CTNNA2: variants seen among roughly 807,000 people sequenced by gnomAD.
CTNNA2 encodes catenin alpha 2.
CTNNA2 carries 42 observed loss-of-function variants against 101.0 expected under a neutral mutation model. The observed-to-expected ratio is 0.42, with a 90% CI of 0.32 to 0.54. The LOEUF is 0.54. CTNNA2 is among the 20% of genes least tolerant of loss of function. The pLI, the probability that CTNNA2 is intolerant of heterozygous loss-of-function variation, is 0.14. For missense variants in CTNNA2, 871 were observed against 1,223.1 expected, an observed-to-expected ratio of 0.71 and a Z score of 4.29; for synonymous variants, 450 against 456.4, an observed-to-expected ratio of 0.99 and a Z score of 0.18.
intron 1 of CTNNA2, among the ~76,000 whole-genome samples, chr2:79,618,834 C>T (rs6722017): frequency 0.022 from 3,278 of 152,234 alleles, 127 homozygotes; most frequent in African/African-American, 0.075. Context: ...TAGAAGTTTC[C>T]AGTTGCCTCA....
intron 12 of CTNNA2, among the ~76,000 whole-genome samples, chr2:80,569,346 A>G (rs561318692): frequency 1.3e-5 from 2 of 152,336 alleles, no homozygotes; most frequent in East Asian, 3.9e-4. Context: ...CTAGAATTCA[A>G]AAGTTTATCT....
At chr2:79,739,561 A>T (rs1671135001) in intron 2 of CTNNA2, among the ~76,000 whole-genome samples, 1 of 152,204 alleles carries the variant, frequency 6.6e-6, no homozygotes, top group African/African-American at 2.4e-5. Context: ...TGCCTTTTTT[A>T]AAATACAGAT....
intron 2 of CTNNA2, among the ~76,000 whole-genome samples, chr2:79,253,219 G>C (rs1674795945): frequency 6.6e-6 from 1 of 152,156 alleles, no homozygotes; most frequent in African/African-American, 2.4e-5. Flanking sequence ...AGGGAGATGG[G>C]ATGCTTCTGC....
At chr2:80,597,787 C>A (rs1163969388) in intron 15 of CTNNA2, among the ~76,000 whole-genome samples, 2 of 152,082 alleles carry the variant, frequency 1.3e-5, no homozygotes, top group South Asian at 4.1e-4. Flanking sequence ...TCATGCCAGT[C>A]AGAATGGCGA....
chr2:80,484,831 CT>C (rs750028131), intron 9 of CTNNA2, among the ~76,000 whole-genome samples: 3 of 152,014 alleles, frequency 2.0e-5, no homozygotes, highest in Non-Finnish European at 2.9e-5. Flanking sequence ...ACGGTGAAAC[CT>C]TGTCTCTACT....
chr2:80,149,774 T>TCTCTCACA (rs377159450), intron 7 of CTNNA2, among the ~76,000 whole-genome samples: 1 of 143,298 alleles, frequency 7.0e-6, no homozygotes, highest in African/African-American at 2.6e-5. Context: ...TTAGAATGGA[T>TCTCTCACA]CACACACACA....
At chr2:79,644,570 C>G (rs1371975753) in intron 1 of CTNNA2, among the ~76,000 whole-genome samples, 1 of 152,152 alleles carries the variant, frequency 6.6e-6, no homozygotes, top group Non-Finnish European at 1.5e-5. Context: ...TTGACTTTGC[C>G]AGGCCCCTGT....
intron 3 of CTNNA2, among the ~76,000 whole-genome samples, chr2:79,809,326 A>G (rs1676824950): frequency 6.6e-6 from 1 of 152,198 alleles, no homozygotes; most frequent in Non-Finnish European, 1.5e-5. Context: ...TGCGGGGTCA[A>G]ATGATATTTC....
intron 9 of CTNNA2, among the ~76,000 whole-genome samples, chr2:80,537,538 C>G (rs1297476470): frequency 1.3e-5 from 2 of 152,008 alleles, no homozygotes; most frequent in East Asian, 3.9e-4. Context: ...ACACTCCCAC[C>G]AACAGTGTAA....
At chr2:80,613,871 T>C (rs1378901648) in intron 17 of CTNNA2, among the ~76,000 whole-genome samples, 2 of 151,478 alleles carry the variant, frequency 1.3e-5, no homozygotes, top group Non-Finnish European at 3.0e-5. Context: ...CCTAAACTTG[T>C]GGGCTGACGA....
chr2:79,901,638 T>C (rs991810402), intron 6 of CTNNA2, among the ~76,000 whole-genome samples: 2 of 152,200 alleles, frequency 1.3e-5, no homozygotes, highest in Non-Finnish European at 2.9e-5. Context: ...AGTAGTTCAC[T>C]TAAAGGTTTA....
At chr2:79,260,758 A>T (rs1674911023) in intron 2 of CTNNA2, among the ~76,000 whole-genome samples, 1 of 152,152 alleles carries the variant, frequency 6.6e-6, no homozygotes, top group South Asian at 2.1e-4. Context: ...CTAGCCAGAA[A>T]TTGACCCTAA....
chr2:79,642,142 A>G (rs961791233), intron 1 of CTNNA2, among the ~76,000 whole-genome samples: 1 of 152,216 alleles, frequency 6.6e-6, no homozygotes. Flanking sequence ...ATATGCATTT[A>G]TGCTTTGACA....
chr2:79,710,481 T>G (rs1157122130), intron 2 of CTNNA2, among the ~76,000 whole-genome samples: 1 of 152,226 alleles, frequency 6.6e-6, no homozygotes, highest in East Asian at 1.9e-4. Flanking sequence ...TTGTTAGTCA[T>G]GACAGAGGGA....
chr2:79,582,995 T>G (rs2103916423), intron 1 of CTNNA2, among the ~76,000 whole-genome samples: 1 of 152,244 alleles, frequency 6.6e-6, no homozygotes, highest in South Asian at 2.1e-4. Context: ...ATGTGTTGTG[T>G]TTTGAGTCTA....
intron 4 of CTNNA2, among the ~76,000 whole-genome samples, chr2:79,434,120 C>T (rs915619442): frequency 1.3e-5 from 2 of 151,756 alleles, no homozygotes; most frequent in African/African-American, 4.8e-5. Flanking sequence ...ATGGCAAAAC[C>T]CATTTCTACT....
chr2:79,809,383 T>C (rs1676830355), intron 3 of CTNNA2, among the ~76,000 whole-genome samples: 1 of 152,254 alleles, frequency 6.6e-6, no homozygotes, highest in Non-Finnish European at 1.5e-5. Flanking sequence ...CCACAATAGT[T>C]GAACTAATTT....
intron 4 of CTNNA2, among the ~76,000 whole-genome samples, chr2:79,402,987 G>A (rs1573148916): frequency 6.6e-6 from 1 of 151,688 alleles, no homozygotes; most frequent in Non-Finnish European, 1.5e-5. Context: ...ATAATTTATA[G>A]CTATAAATGC....
intron 7 of CTNNA2, among the ~76,000 whole-genome samples, chr2:80,017,786 T>C (rs1040002054): frequency 7.9e-5 from 12 of 152,130 alleles, no homozygotes; most frequent in Non-Finnish European, 1.3e-4. Context: ...GCGCTTCTGG[T>C]TTAACTTTTT....
Sources: allele counts gnomAD v4.1 joint callset (sites outside exome capture counted in the v4.1 genomes callset), GRCh38; gene constraint gnomAD v4.1.1; transcripts MANE v1.5; gene names NCBI Gene and HGNC (gene_info 2026-07-23, HGNC 2026-07-21).